LRRK2: variants seen among roughly 807,000 people sequenced by gnomAD.
The protein encoded by LRRK2 is leucine rich repeat kinase 2.
LRRK2 carries 203 observed loss-of-function variants against 302.6 expected under a neutral mutation model. That is an observed-to-expected ratio of 0.67 (90% CI 0.60 to 0.75). The LOEUF (loss-of-function observed/expected upper bound fraction) is 0.75, where lower values mean the gene tolerates loss of function less well. LRRK2 is among the 30% of genes least tolerant of loss of function. The probability of loss-of-function intolerance (pLI) is 0.00; values close to 1 mark genes in which losing one functional copy is unlikely to be tolerated. For missense variants in LRRK2, 2,830 were observed against 2,951.0 expected, an observed-to-expected ratio of 0.96 and a Z score of 0.95; for synonymous variants, 1,066 against 1,031.9, an observed-to-expected ratio of 1.03 and a Z score of -0.63.
Position 40,338,198 on chromosome 12 carries a change from G to C in LRRK2, c.5949-2096G>C, listed in dbSNP as rs570565968. Among the ~76,000 whole-genome samples the C allele has an allele frequency of 1.1e-4, 16 of 152,150 alleles. No homozygotes were observed. In the South Asian group the frequency reaches 3.3e-3, roughly 32 times the overall value. On this transcript the variant is annotated intron_variant, in intron 40 of 50. Transcript: ENST00000298910. ...AGCACGTGGTACTTACATATTTCTGGAATCTTGATTAAACACCTGTTTGAG... is the reference window on the plus strand; with the variant it reads ...AGCACGTGGTACTTACATATTTCTGCAATCTTGATTAAACACCTGTTTGAG...
In LRRK2 at chr12:40,253,112, A is replaced by T. The variant is rs968446939; in HGVS notation, c.1288+96A>T. 21 of 765,988 alleles carry T rather than the reference A, an allele frequency of 2.7e-5. No homozygotes were observed. The Admixed American group carries it at 4.4e-4, about 16-fold the overall frequency. The allele number at this position is 765,988 out of a possible 1,614,324, so 47.4% of individuals were successfully genotyped here. ...ATACTGTGAAAAATTTACATAATTT[A>T]TAAAGCTATATATTGTGAAAGATAT... is the stretch of plus-strand genomic sequence containing the variant. On this transcript the variant is annotated intron_variant, in intron 11 of 50. Transcript: ENST00000298910.
Position 40,321,074 on chromosome 12 carries a change from G to T in LRRK2, c.5056G>T (p.Glu1686Ter), listed in dbSNP as rs1484893699. The change falls in exon 35 of 51, where the codon GAG becomes TAG. Residue 1686 changes from glutamate (E) to a stop codon, truncating the protein, a stop_gained. Coordinates refer to ENST00000298910, the MANE Select transcript of LRRK2 (RefSeq NM_198578.4). LOFTEE classifies it high-confidence loss of function. ...HRPVIELPHC[E>*]NSEIIIRLYE... ...GCCTGTGATAGAGCTTCCCCATTGT[G>T]AGAACTCTGAAATTATCATCCGACT... The T allele has an allele frequency of 1.9e-6, 3 of 1,612,850 alleles. No individual in the cohort carries two copies. The highest frequency in any genetic ancestry group is 2.5e-6 in the Non-Finnish European group (3 of 1,179,064).
chr12:40,263,992 G>A, intron 14 of LRRK2, 91 bp downstream of exon 14: 1 of 889,946 alleles, frequency 1.1e-6, no homozygotes, highest in South Asian at 1.4e-5. Flanking sequence ...TAAGTTTTCT[G>A]TTCTCCGTTT....
At position 40,299,139 on chromosome 12, in the gene LRRK2, G is replaced by T. The variant is rs2136749836; in HGVS notation, c.3378G>T (p.Leu1126Phe). 1.9e-6 allele frequency: 3 copies of T among 1,613,166 alleles called. No individual in the cohort carries two copies. The highest frequency in any genetic ancestry group is 2.5e-6 in the Non-Finnish European group (3 of 1,179,606). ...GNKISGICSPLRLKELKILNL... is the reference protein window; with the variant it reads ...GNKISGICSPFRLKELKILNL... ...AAATATCAGGGATATGCTCCCCCTT[G>T]AGACTGAAGGAACTGAAGATTTTAA... is the stretch of plus-strand genomic sequence containing the variant. The change falls in exon 25 of 51, where the codon TTG becomes TTT. Residue 1126 changes from leucine (L) to phenylalanine (F), a missense_variant. By Grantham distance (22) the Leu-to-Phe change is conservative. This residue lies in a region of LRRK2 where 2,121 missense variants were observed against 2,148.0 expected (regional missense o/e 0.99). Coordinates refer to ENST00000298910, the MANE Select transcript of LRRK2 (RefSeq NM_198578.4).
chr12:40,291,116 C>A (rs1944130140), intron 20 of LRRK2, among the ~76,000 whole-genome samples: 1 of 151,968 alleles, frequency 6.6e-6, no homozygotes, highest in Non-Finnish European at 1.5e-5. Flanking sequence ...ATGATGAGTT[C>A]ATGTCCTTTG....
rs1457950488 is a variant in LRRK2, at chr12:40,238,072, A to G, written c.540A>G (p.Gly180=). ...CCAATGATGAAGTCCAGAAACTTGG[A>G]TGCAAAGCTTTACATGTGCTGTTTG... ...FPANDEVQKL[G]CKALHVLFER... The change falls in exon 5 of 51, where the codon GGA becomes GGG. Residue 180 remains glycine (G), a synonymous_variant. Coordinates refer to ENST00000298910, the MANE Select transcript of LRRK2 (RefSeq NM_198578.4). 1 of 1,613,646 alleles carries G rather than the reference A, an allele frequency of 6.2e-7. No homozygotes were observed. Among genetic ancestry groups the G allele is most frequent in the South Asian group, 1.1e-5 (1 of 91,076 alleles).
intron 7 of LRRK2, among the ~76,000 whole-genome samples, chr12:40,248,777 C>T (rs1330806172): frequency 6.6e-6 from 1 of 152,148 alleles, no homozygotes; most frequent in African/African-American, 2.4e-5. Flanking sequence ...GACCGAACAG[C>T]TGTTGGCAGT....
chr12:40,341,901 T>C (rs1946055979), intron 41 of LRRK2, among the ~76,000 whole-genome samples: 1 of 152,218 alleles, frequency 6.6e-6, no homozygotes, highest in Non-Finnish European at 1.5e-5. Flanking sequence ...TAGCAAATAT[T>C]GTCAATGAGA....
chr12:40,340,543 C>A (rs1946008525), intron 41 of LRRK2, 89 bp downstream of exon 41: 1 of 1,301,922 alleles, frequency 7.7e-7, no homozygotes, highest in Non-Finnish European at 1.1e-6. Context: ...AAAAGGAAAA[C>A]AGAGTCTATC....
intron 16 of LRRK2, among the ~76,000 whole-genome samples, chr12:40,277,473 AC>A (rs1165054146): frequency 1.3e-5 from 2 of 152,186 alleles, no homozygotes; most frequent in African/African-American, 4.8e-5. Context: ...TCTCTAGAGA[AC>A]CTACTGTTCA....
At chr12:40,317,544 G>A (rs1592280065) in intron 33 of LRRK2, among the ~76,000 whole-genome samples, 1 of 151,982 alleles carries the variant, frequency 6.6e-6, no homozygotes, top group Non-Finnish European at 1.5e-5. Context: ...ATTAAAAAAA[G>A]GTACCATTAA....
chr12:40,263,884 C>T lies in LRRK2; in HGVS notation c.1639C>T (p.Leu547=). ...CFKNDIHKLV[L]AALNRFIGNP... ...CAAGAATGATATTCACAAACTGGTC[C>T]TAGCAGCTTTGAACAGGGTATGTTG... is the stretch of plus-strand genomic sequence containing the variant. Residue 547 remains leucine, a synonymous_variant, in exon 14 of 51, where the codon CTA becomes TTA. Coordinates refer to ENST00000298910, the MANE Select transcript of LRRK2 (RefSeq NM_198578.4). The T allele has an allele frequency of 6.2e-7, 1 of 1,610,604 alleles. No homozygotes were observed. Among genetic ancestry groups the T allele is most frequent in the Non-Finnish European group, 8.5e-7 (1 of 1,177,200 alleles).
intron 13 of LRRK2, among the ~76,000 whole-genome samples, chr12:40,262,742 A>G (rs1314852472): frequency 6.6e-6 from 1 of 152,220 alleles, no homozygotes; most frequent in East Asian, 1.9e-4. Flanking sequence ...CATTACATGT[A>G]GCATGATGTT....
At chr12:40,254,321 A>C (rs1942406768) in intron 11 of LRRK2, among the ~76,000 whole-genome samples, 1 of 152,198 alleles carries the variant, frequency 6.6e-6, no homozygotes, top group Non-Finnish European at 1.5e-5. Context: ...TTGAAGTCAA[A>C]TAAAGAGGAA....
At chr12:40,226,850 T>C (rs565293422) in intron 2 of LRRK2, among the ~76,000 whole-genome samples, 22 of 152,318 alleles carry the variant, frequency 1.4e-4, no homozygotes, top group African/African-American at 4.3e-4. Context: ...CTTACTTGTC[T>C]CTGCTTTGGT....
intron 45 of LRRK2, among the ~76,000 whole-genome samples, chr12:40,355,544 CTTCTT>C (rs1208856422): frequency 1.3e-4 from 5 of 38,098 alleles, no homozygotes; most frequent in Non-Finnish European, 2.5e-4. Context: ...TTCCTTCCTT[CTTCTT>C]TTTTTTTTTT....
chr12:40,328,437 A>G lies in LRRK2; in HGVS notation c.5734A>G (p.Thr1912Ala), dbSNP rs759005833. 1.9e-6 allele frequency: 3 copies of G among 1,612,648 alleles called. No homozygotes were observed. The highest frequency in any genetic ancestry group is 2.5e-6 in the Non-Finnish European group (3 of 1,178,914). The change falls in exon 39 of 51, where the codon ACA (threonine) becomes GCA (alanine). Residue 1912 changes from threonine to alanine, a missense_variant. Coordinates refer to ENST00000298910, the MANE Select transcript of LRRK2 (RefSeq NM_198578.4). ...GGCTGTGAAGATTTTTAATAAACAT[A>G]CATCACTCAGGCTGTTAAGACAAGT... Reference protein sequence around the residue: ...EVAVKIFNKHTSLRLLRQELV... With the variant: ...EVAVKIFNKHASLRLLRQELV...
chr12:40,351,158 C>T (rs1034440566), intron 43 of LRRK2, among the ~76,000 whole-genome samples: 7 of 152,162 alleles, frequency 4.6e-5, no homozygotes, highest in Non-Finnish European at 7.3e-5. Context: ...CTGTTCCTTT[C>T]AACTACTAGA....
At chr12:40,349,772 C>T (rs1426099499) in intron 43 of LRRK2, among the ~76,000 whole-genome samples, 1 of 152,190 alleles carries the variant, frequency 6.6e-6, no homozygotes, top group Non-Finnish European at 1.5e-5. Flanking sequence ...CCGCCTAGGC[C>T]TCCCAAAGTG....
Sources: allele counts gnomAD v4.1 joint callset (sites outside exome capture counted in the v4.1 genomes callset), GRCh38; gene constraint gnomAD v4.1.1; regional missense constraint gnomAD v4.1.1; transcripts MANE v1.5; gene names NCBI Gene and HGNC (gene_info 2026-07-23, HGNC 2026-07-21).